Variants in CACNB2 observed in about 807,000 individuals in gnomAD.
The protein encoded by CACNB2 is calcium voltage-gated channel auxiliary subunit beta 2.
CACNB2 carries 42 observed loss-of-function variants against 73.3 expected under a neutral mutation model. The ratio of observed to expected loss-of-function variants is 0.57; its 90% CI spans 0.45 to 0.74. The LOEUF (loss-of-function observed/expected upper bound fraction) is 0.74. Among genes scored for constraint, CACNB2 ranks in the 30% least tolerant of loss-of-function variants. The pLI is 0.00. For missense variants in CACNB2, 940 were observed against 853.0 expected, an observed-to-expected ratio of 1.10 and a Z score of -1.27; for synonymous variants, 348 against 310.3, an observed-to-expected ratio of 1.12 and a Z score of -1.28.
At chr10:18,149,532 C>T (rs1470795116) in intron 1 of CACNB2, among the ~76,000 whole-genome samples, 1 of 152,028 alleles carries the variant, frequency 6.6e-6, no homozygotes, top group African/African-American at 2.4e-5. Flanking sequence ...AAGATGATAC[C>T]ACCCTCTCAC....
rs543928262 is a variant in CACNB2 at position 18,359,254 on chromosome 10, A to G, written c.214-42670A>G. Among the ~76,000 whole-genome samples the G allele has an allele frequency of 2.0e-5, 3 of 152,110 alleles. No individual in the cohort carries two copies. The South Asian group carries it at 6.2e-4, about 32-fold the overall frequency. On this transcript the variant is annotated intron_variant, in intron 2 of 13. Transcript: ENST00000324631. Reference sequence around the variant, plus strand: ...GGAATGATATTTGGAGTTTGTGAGTAATGTTTGTTTTGTTTTTTGTTTGTT... The same window carrying G: ...GGAATGATATTTGGAGTTTGTGAGTGATGTTTGTTTTGTTTTTTGTTTGTT...
intron 2 of CACNB2, among the ~76,000 whole-genome samples, chr10:18,285,745 A>T (rs111488263): frequency 6.6e-6 from 1 of 152,212 alleles, no homozygotes; most frequent in Non-Finnish European, 1.5e-5. Context: ...TTGTTATGTG[A>T]CATTTTGAAG....
At chr10:18,186,693 G>C (rs969422366) in intron 2 of CACNB2, among the ~76,000 whole-genome samples, 2 of 152,036 alleles carry the variant, frequency 1.3e-5, no homozygotes, top group Admixed American at 1.3e-4. Flanking sequence ...AGGATCATGA[G>C]GACAATACCA....
chr10:18,156,989 G>C (rs955131641), intron 2 of CACNB2, among the ~76,000 whole-genome samples: 18 of 151,608 alleles, frequency 1.2e-4, no homozygotes, highest in African/African-American at 4.1e-4. Context: ...ACTGCGGTGA[G>C]CCGAGATTGC....
chr10:18,226,700 TA>T (rs1352626374), intron 2 of CACNB2, among the ~76,000 whole-genome samples: 1 of 152,232 alleles, frequency 6.6e-6, no homozygotes, highest in Admixed American at 6.5e-5. Flanking sequence ...GTATACTGTT[TA>T]ATGGTTTACA....
intron 6 of CACNB2, among the ~76,000 whole-genome samples, chr10:18,507,966 G>A (rs2050580186): frequency 6.6e-6 from 1 of 151,880 alleles, no homozygotes; most frequent in Admixed American, 6.6e-5. Context: ...TAAGAGAAGG[G>A]GTTTCACTAT....
At chr10:18,437,304 C>T (rs1194256529) in intron 3 of CACNB2, among the ~76,000 whole-genome samples, 1 of 152,194 alleles carries the variant, frequency 6.6e-6, no homozygotes. Context: ...GAGAGGGATA[C>T]TTCTAAGTTA....
intron 3 of CACNB2, among the ~76,000 whole-genome samples, chr10:18,435,649 C>T (rs572108388): frequency 9.2e-5 from 14 of 152,206 alleles, no homozygotes; most frequent in Admixed American, 7.2e-4. Context: ...CAGGCACACA[C>T]TACCATATCC....
intron 2 of CACNB2, among the ~76,000 whole-genome samples, chr10:18,253,846 T>A (rs1434290209): frequency 6.6e-6 from 1 of 152,198 alleles, no homozygotes; most frequent in East Asian, 1.9e-4. Context: ...CGAAGACAAT[T>A]GGCTGAAGAT....
At chr10:18,286,531 A>T (rs2038810040) in intron 2 of CACNB2, among the ~76,000 whole-genome samples, 5 of 113,716 alleles carry the variant, frequency 4.4e-5, no homozygotes, top group Admixed American at 7.8e-5. Context: ...AAAAAAAAAA[A>T]AAAAAAAAAA....
chr10:18,195,672 A>T (rs180857324), intron 2 of CACNB2, among the ~76,000 whole-genome samples: 2 of 152,346 alleles, frequency 1.3e-5, no homozygotes, highest in East Asian at 1.9e-4. Context: ...GTGCCTGACC[A>T]GGCAGAGATG....
At chr10:18,181,065 G>GAAAAAAAAA (rs34924301) in intron 2 of CACNB2, among the ~76,000 whole-genome samples, 4 of 117,892 alleles carry the variant, frequency 3.4e-5, no homozygotes, top group East Asian at 2.4e-4. Context: ...AGCCAAAATA[G>GAAAAAAAAA]AAAAAAAAAA....
chr10:18,539,470 G>C lies in CACNB2; in HGVS notation c.1729G>C (p.Asp577His). 6.2e-7 allele frequency: 1 copy of C among 1,613,978 alleles called. No individual in the cohort carries two copies. Among genetic ancestry groups the C allele is most frequent in the Non-Finnish European group, 8.5e-7 (1 of 1,179,998 alleles). Residue 577 changes from aspartate to histidine, a missense_variant, in exon 14 of 14, where the codon GAC (aspartate) becomes CAC (histidine). By Grantham distance (81) the Asp-to-His change is moderately conservative. Coordinates refer to ENST00000324631, the MANE Select transcript of CACNB2 (RefSeq NM_201596.3). The stretch of plus-strand genomic sequence containing the variant: ...AGAGCCAAAGGAAGATTATTCCCAT[G>C]ACCACGTGGACCACTATGCCTCACA... ...YVEPKEDYSH[D>H]HVDHYASHRD...
intron 2 of CACNB2, among the ~76,000 whole-genome samples, chr10:18,169,017 T>A (rs943731338): frequency 6.6e-6 from 1 of 152,198 alleles, no homozygotes; most frequent in African/African-American, 2.4e-5. Flanking sequence ...AATCCTCATC[T>A]TATTAAGTAT....
intron 2 of CACNB2, among the ~76,000 whole-genome samples, chr10:18,339,705 T>C (rs1478647326): frequency 1.3e-5 from 2 of 152,320 alleles, no homozygotes; most frequent in East Asian, 1.9e-4. Context: ...GGAGCATACG[T>C]AAATGAACAA....
At chr10:18,519,302 T>TCTTCTAAAAGA (rs1324059123) in intron 9 of CACNB2, among the ~76,000 whole-genome samples, 7 of 152,146 alleles carry the variant, frequency 4.6e-5, no homozygotes, top group South Asian at 2.1e-4. Flanking sequence ...ACTTTTCCAC[T>TCTTCTAAAAGA]CTTCTAAAAG....
chr10:18,393,909 A>G (rs925142249), intron 2 of CACNB2, among the ~76,000 whole-genome samples: 1 of 152,154 alleles, frequency 6.6e-6, no homozygotes, highest in Non-Finnish European at 1.5e-5. Flanking sequence ...CCCTCGGTGT[A>G]CTTTCGTTGT....
intron 2 of CACNB2, among the ~76,000 whole-genome samples, chr10:18,184,732 A>G (rs2034069412): frequency 7.0e-6 from 1 of 142,132 alleles, no homozygotes; most frequent in Non-Finnish European, 1.5e-5. Flanking sequence ...ATTCAATTCA[A>G]TTTTAAGTTC....
intron 2 of CACNB2, among the ~76,000 whole-genome samples, chr10:18,379,799 A>G (rs980883962): frequency 4.0e-5 from 6 of 151,896 alleles, no homozygotes; most frequent in Non-Finnish European, 8.8e-5. Context: ...CGATTATCCC[A>G]TCTCAGCCTC....
Sources: allele counts gnomAD v4.1 joint callset (sites outside exome capture counted in the v4.1 genomes callset), GRCh38; gene constraint gnomAD v4.1.1; transcripts MANE v1.5; gene names NCBI Gene and HGNC (gene_info 2026-07-23, HGNC 2026-07-21).